PDSS1: variants seen among roughly 807,000 people sequenced by gnomAD.
PDSS1 encodes decaprenyl diphosphate synthase subunit 1.
Under a neutral mutation model 57.5 loss-of-function variants are expected in PDSS1, and 43 were observed. The ratio of observed to expected loss-of-function variants is 0.75; its 90% CI spans 0.59 to 0.96. The LOEUF (loss-of-function observed/expected upper bound fraction) is 0.96. Ranked by LOEUF, PDSS1 falls within the 50% of genes least tolerant of loss-of-function variation. PDSS1 has a pLI of 0.00. For missense variants in PDSS1, 438 were observed against 527.8 expected, an observed-to-expected ratio of 0.83 and a Z score of 1.67; for synonymous variants, 175 against 191.3, an observed-to-expected ratio of 0.91 and a Z score of 0.70.
In PDSS1 at chr10:26,746,625, A is replaced by G. The variant is rs763376343; in HGVS notation, c.*152A>G. ...TGGGCAATTTATTTTTTTTTATTGC[A>G]AAAGTTTTTTCAGAAAACTTTTTAA... On this transcript the variant is annotated 3_prime_UTR_variant, in exon 12 of 12. Coordinates refer to ENST00000376215, the MANE Select transcript of PDSS1 (RefSeq NM_014317.5). 2.5e-6 allele frequency: 2 copies of G among 810,744 alleles called. No individual in the cohort carries two copies. Among genetic ancestry groups the G allele is most frequent in the Non-Finnish European group, 3.9e-6 (2 of 510,194 alleles). The allele number at this position is 810,744 out of a possible 1,614,324, so 50.2% of individuals were successfully genotyped here. A position where few individuals can be genotyped will look rare whatever the true frequency, so the allele number is the denominator to read the frequency against.
At chr10:26,725,528 A>T (rs891455689) in intron 8 of PDSS1, among the ~76,000 whole-genome samples, 3 of 151,144 alleles carry the variant, frequency 2.0e-5, no homozygotes, top group Non-Finnish European at 4.4e-5. Flanking sequence ...TTTTTTTTTT[A>T]AAGTGAGATG....
intron 8 of PDSS1, among the ~76,000 whole-genome samples, chr10:26,728,934 A>G (rs758014478): frequency 6.6e-5 from 10 of 151,830 alleles, no homozygotes; most frequent in Non-Finnish European, 1.3e-4. Context: ...GGCTGCCACC[A>G]TACCCGGATG....
chr10:26,720,560 C>T (rs1471953480), intron 6 of PDSS1, among the ~76,000 whole-genome samples: 2 of 152,018 alleles, frequency 1.3e-5, no homozygotes, highest in African/African-American at 4.8e-5. Flanking sequence ...GAAAAATAAA[C>T]TTAGTATTTC....
At chr10:26,704,847 G>C in intron 3 of PDSS1, 106 bp downstream of exon 3, 2 of 707,636 alleles carry the variant, frequency 2.8e-6, no homozygotes, top group South Asian at 3.0e-5. Context: ...GTGTTGCCCA[G>C]GCTGGTCTTG....
chr10:26,714,298 A>G (rs189404868), intron 5 of PDSS1, among the ~76,000 whole-genome samples: 347 of 152,092 alleles, frequency 2.3e-3, no homozygotes, highest in African/African-American at 7.9e-3. Flanking sequence ...ACATGGTGAA[A>G]CCCCATCTCT....
chr10:26,708,219 G>A (rs953917162), intron 4 of PDSS1, among the ~76,000 whole-genome samples: 2 of 152,298 alleles, frequency 1.3e-5, no homozygotes, highest in South Asian at 2.1e-4. Flanking sequence ...CTGAATGAAC[G>A]ATGGGCCCAC....
intron 8 of PDSS1, among the ~76,000 whole-genome samples, chr10:26,730,936 A>T (rs1836168578): frequency 6.6e-6 from 1 of 152,188 alleles, no homozygotes; most frequent in Non-Finnish European, 1.5e-5. Context: ...AAACCACTGT[A>T]TCAGGGCTGG....
At chr10:26,735,987 C>T (rs539875908) in intron 10 of PDSS1, among the ~76,000 whole-genome samples, 2 of 152,214 alleles carry the variant, frequency 1.3e-5, no homozygotes, top group South Asian at 4.1e-4. Context: ...CCTTAAAAGG[C>T]ATAGGAAGCA....
At chr10:26,709,944 A>G (rs1483651872) in intron 5 of PDSS1, among the ~76,000 whole-genome samples, 176 bp downstream of exon 5, 1 of 152,008 alleles carries the variant, frequency 6.6e-6, no homozygotes, top group Non-Finnish European at 1.5e-5. Flanking sequence ...TGAGATCAGG[A>G]GTTTGAGACC....
Position 26,740,810 on chromosome 10 carries a change from G to A in PDSS1, c.1027-1687G>A, listed in dbSNP as rs562561575. Reference sequence around the variant, plus strand: ...GGGGCTAAGGAAGTCACTCGGCTGTGGCAGCTGGTAGCCAAACCAAGACTA... The same window carrying A: ...GGGGCTAAGGAAGTCACTCGGCTGTAGCAGCTGGTAGCCAAACCAAGACTA... On this transcript the variant is annotated intron_variant, in intron 10 of 11. Coordinates refer to ENST00000376215, the MANE Select transcript of PDSS1 (RefSeq NM_014317.5). 4.9e-5 allele frequency: 19 copies of A among 387,854 alleles called. No homozygotes were observed. In the East Asian group the frequency reaches 1.3e-3, roughly 27 times the overall value. The allele number at this position is 387,854 out of a possible 1,614,324, so 24.0% of individuals were successfully genotyped here. A position where few individuals can be genotyped will look rare whatever the true frequency, so the allele number is the denominator to read the frequency against.
intron 11 of PDSS1, among the ~76,000 whole-genome samples, chr10:26,743,920 C>T (rs940389641): frequency 2.6e-5 from 4 of 151,758 alleles, no homozygotes; most frequent in African/African-American, 4.8e-5. Flanking sequence ...ACAGGAAAAA[C>T]GTAAATAGGA....
chr10:26,697,795 T>C lies in PDSS1; in HGVS notation c.84T>C (p.Arg28=). 1 of 1,341,402 alleles carries C rather than the reference T, an allele frequency of 7.5e-7. No individual in the cohort carries two copies. The highest frequency in any genetic ancestry group is 9.6e-7 in the Non-Finnish European group (1 of 1,045,290). 83.1% of individuals were successfully genotyped at this position (1,341,402 alleles called of 1,614,324 possible). A position where few individuals can be genotyped will look rare whatever the true frequency, so the allele number is the denominator to read the frequency against. The change falls in exon 1 of 12, where the codon CGT becomes CGC. Residue 28 remains arginine (R), a synonymous_variant. Transcript: ENST00000376215. ...ARSPGPGSPG[R]AGPLGPSAAA... is the part of the protein sequence containing the mutation. ...GCCCCGGGCCCGGCTCCCCCGGCCGTGCGGGACCGTTGGGGCCGAGCGCCG... is the reference window on the plus strand; with the variant it reads ...GCCCCGGGCCCGGCTCCCCCGGCCGCGCGGGACCGTTGGGGCCGAGCGCCG...
In PDSS1 at chr10:26,746,250, G is replaced by A; in HGVS notation, c.1108-83G>A. On this transcript the variant is annotated intron_variant, in intron 11 of 11. Coordinates refer to ENST00000376215, the MANE Select transcript of PDSS1 (RefSeq NM_014317.5). ...TCAGCTCATCTGATCTCAAAACTAT[G>A]TGTTCATTTATTATAGCAGGAAGTT... 3.8e-6 allele frequency: 5 copies of A among 1,323,654 alleles called. No individual in the cohort carries two copies. In the South Asian group the frequency reaches 4.7e-5, roughly 12 times the overall value. The allele number at this position is 1,323,654 out of a possible 1,614,324, so 82.0% of individuals were successfully genotyped here.
chr10:26,742,613 GAAC>G (rs2132320300), intron 11 of PDSS1, 36 bp downstream of exon 11: 2 of 1,255,544 alleles, frequency 1.6e-6, no homozygotes, highest in Non-Finnish European at 2.3e-6. Context: ...GCAGCAGCAG[GAAC>G]AACGTGGCAA....
At chr10:26,706,676 C>T (rs894232030) in intron 4 of PDSS1, among the ~76,000 whole-genome samples, 4 of 152,198 alleles carry the variant, frequency 2.6e-5, no homozygotes, top group African/African-American at 9.6e-5. Flanking sequence ...TATCCCCTGC[C>T]CTCTGCCTTC....
At position 26,735,235 on chromosome 10, in the gene PDSS1, T is replaced by C; in HGVS notation, c.832-5T>C. On this transcript the variant is annotated splice_polypyrimidine_tract_variant and splice_region_variant and intron_variant, in intron 8 of 11. Transcript: ENST00000376215. ...GCTTATCTCAGAATGCTCTTTCTGT[T>C]TCAGGTCTCTGTTCTAGGATGTCCC... 1 of 1,609,262 alleles carries C rather than the reference T, an allele frequency of 6.2e-7. No individual in the cohort carries two copies.
intron 4 of PDSS1, among the ~76,000 whole-genome samples, 169 bp downstream of exon 4, chr10:26,705,563 T>G (rs1224964224): frequency 6.6e-6 from 1 of 152,194 alleles, no homozygotes; most frequent in Non-Finnish European, 1.5e-5. Context: ...AACCCTTGCC[T>G]CCCAGGTTCA....
intron 8 of PDSS1, among the ~76,000 whole-genome samples, chr10:26,727,417 A>T (rs925487512): frequency 1.4e-5 from 2 of 146,174 alleles, no homozygotes; most frequent in Admixed American, 7.0e-5. Flanking sequence ...TCTTCCTATT[A>T]CTTGATTTTC....
At chr10:26,705,880 T>C (rs909080253) in intron 4 of PDSS1, among the ~76,000 whole-genome samples, 19 of 152,186 alleles carry the variant, frequency 1.2e-4, no homozygotes, top group Middle Eastern at 3.2e-3. Flanking sequence ...GAATGCAATA[T>C]GTATTTATGT....
Sources: gnomAD v4.1 joint callset for allele counts (sites outside exome capture counted in the v4.1 genomes callset) on GRCh38, gnomAD v4.1.1 for gene constraint, MANE v1.5 for transcripts, NCBI Gene and HGNC (gene_info 2026-07-23, HGNC 2026-07-21) for gene names.